PROS1: variants seen among roughly 807,000 people sequenced by gnomAD.
PROS1 encodes vitamin K-dependent protein S.
A neutral mutation model predicts 75.9 loss-of-function variants in PROS1; 29 were observed. The ratio of observed to expected loss-of-function variants is 0.38; its 90% confidence interval spans 0.28 to 0.52. The LOEUF is 0.52. Ranked by LOEUF, PROS1 falls within the 20% of genes least tolerant of loss-of-function variation. PROS1 has a pLI of 0.83. For missense variants in PROS1, 680 were observed against 810.3 expected, an observed-to-expected ratio of 0.84 and a Z score of 1.95; for synonymous variants, 245 against 280.6, an observed-to-expected ratio of 0.87 and a Z score of 1.27.
At chr3:93,928,250 G>A (rs926535947) in intron 1 of PROS1, among the ~76,000 whole-genome samples, 3 of 150,074 alleles carry the variant, frequency 2.0e-5, no homozygotes, top group African/African-American at 7.4e-5. Context: ...AGTGCCACTT[G>A]AGTGCAGGAA....
At chr3:93,965,332 C>G (rs538001535) in intron 1 of PROS1, among the ~76,000 whole-genome samples, 1 of 152,226 alleles carries the variant, frequency 6.6e-6, no homozygotes, top group Non-Finnish European at 1.5e-5. Flanking sequence ...CCTCCGGATC[C>G]GGAAGGGTGT....
Position 93,890,515 on chromosome 3 carries a change from C to T in PROS1, c.1155+2418G>A, listed in dbSNP as rs142737774. The stretch of plus-strand genomic sequence containing the variant: ...ATAAAAACTTGCTGGTTTTGTGGCT[C>T]AGGTGGGCATCACAGTCCTATCGAT... On this transcript the variant is annotated intron_variant, in intron 10 of 14. Transcript: ENST00000394236. 3.1e-3 allele frequency among the ~76,000 whole-genome samples: 465 copies of T among 152,274 alleles called. 17 individuals are homozygous for T. In the East Asian group the frequency reaches 0.046, roughly 15 times the overall value.
intron 1 of PROS1, among the ~76,000 whole-genome samples, chr3:93,945,393 T>C (rs748025464): frequency 6.6e-6 from 1 of 152,138 alleles, no homozygotes; most frequent in African/African-American, 2.4e-5. Flanking sequence ...CTGATGAACA[T>C]TGATGCAGAA....
rs556802950 is a variant in PROS1 at position 93,943,063 on chromosome 3, T to C, written c.77-15656A>G. Among the ~76,000 whole-genome samples the C allele has an allele frequency of 1.0e-3, 159 of 152,282 alleles. 1 individual carries two copies. The highest frequency in any genetic ancestry group is 3.4e-3 in the Middle Eastern group (1 of 294). ...CAGACATAATTCTTCAGTTTGGGCT[T>C]CCCACCTCTATACAGTCCAATAACG... On this transcript the variant is annotated intron_variant, in intron 1 of 14. Coordinates refer to ENST00000394236, the MANE Select transcript of PROS1 (RefSeq NM_000313.4).
chr3:93,923,506 C>G (rs941789697), intron 3 of PROS1, among the ~76,000 whole-genome samples: 2 of 152,130 alleles, frequency 1.3e-5, no homozygotes, highest in African/African-American at 4.8e-5. Flanking sequence ...TCTTGATATA[C>G]TATCTTTTCT....
intron 6 of PROS1, among the ~76,000 whole-genome samples, chr3:93,904,783 A>G (rs1356409998): frequency 6.6e-6 from 1 of 152,200 alleles, no homozygotes; most frequent in African/African-American, 2.4e-5. Flanking sequence ...TAGCATTAAC[A>G]CAGCCAAACT....
In PROS1 at chr3:93,973,820, G is replaced by T; in HGVS notation, c.-71C>A. Reference sequence around the variant, plus strand: ...CGGGGACCGGAGCGCTAGGCGCCGCGGAGCTGCGAGCCTGTGCGCCTCGGT... The same window carrying T: ...CGGGGACCGGAGCGCTAGGCGCCGCTGAGCTGCGAGCCTGTGCGCCTCGGT... On this transcript the variant is annotated 5_prime_UTR_variant, in exon 1 of 15. Coordinates refer to ENST00000394236, the MANE Select transcript of PROS1 (RefSeq NM_000313.4). 7.4e-7 allele frequency: 1 copy of T among 1,347,634 alleles called. No homozygotes were observed. The highest frequency in any genetic ancestry group is 1.0e-6 in the Non-Finnish European group (1 of 980,780). The allele number at this position is 1,347,634 out of a possible 1,614,324, so 83.5% of individuals were successfully genotyped here.
chr3:93,886,961 G>C (rs1256943096), intron 10 of PROS1, among the ~76,000 whole-genome samples: 1 of 145,576 alleles, frequency 6.9e-6, no homozygotes, highest in Admixed American at 7.1e-5. Flanking sequence ...GCCCAGGCCA[G>C]ACTGCGGACT....
chr3:93,971,734 G>T (rs560202758), intron 1 of PROS1, among the ~76,000 whole-genome samples: 1 of 151,508 alleles, frequency 6.6e-6, no homozygotes. Context: ...AGCTCGGGAG[G>T]GGGAGGTTGC....
intron 1 of PROS1, among the ~76,000 whole-genome samples, chr3:93,964,981 A>G (rs1709765358): frequency 1.3e-5 from 2 of 152,210 alleles, no homozygotes; most frequent in African/African-American, 2.4e-5. Flanking sequence ...ACCTTTAAAC[A>G]AGGGGCTTGC....
intron 10 of PROS1, among the ~76,000 whole-genome samples, chr3:93,888,583 C>T (rs1371945509): frequency 6.6e-6 from 1 of 152,122 alleles, no homozygotes; most frequent in Admixed American, 6.5e-5. Flanking sequence ...TCAACACAAA[C>T]AGTTTCATGG....
intron 14 of PROS1, among the ~76,000 whole-genome samples, chr3:93,875,671 TATCTATC>T (rs1221617568): frequency 3.8e-5 from 5 of 130,210 alleles, no homozygotes; most frequent in African/African-American, 5.5e-5. Flanking sequence ...TCTATCTATC[TATCTATC>T]ATCTATCTAT....
rs573729048 is a variant in PROS1 at position 93,909,508 on chromosome 3, C to T, written c.346+1111G>A. Among the ~76,000 whole-genome samples, 8 of 149,308 alleles carry T rather than the reference C, an allele frequency of 5.4e-5. No individual in the cohort carries two copies. The East Asian group carries it at 1.2e-3, about 22-fold the overall frequency. ...CTTGTTTATTTTCTTCCTAAAATAT[C>T]GAAGCACTTTATCAATATGGCAAAT... On this transcript the variant is annotated intron_variant, in intron 4 of 14. Transcript: ENST00000394236.
intron 1 of PROS1, among the ~76,000 whole-genome samples, chr3:93,928,315 T>C (rs1709057411): frequency 6.7e-6 from 1 of 148,920 alleles, no homozygotes; most frequent in Admixed American, 6.7e-5. Context: ...AGTAAGACCC[T>C]CATTCTAAAA....
Position 93,953,383 on chromosome 3 carries a change from G to A in PROS1, c.76+20291C>T, listed in dbSNP as rs533016876. Among the ~76,000 whole-genome samples the A allele has an allele frequency of 1.1e-4, 16 of 152,248 alleles. No individual in the cohort carries two copies. In the South Asian group the frequency reaches 2.9e-3, roughly 28 times the overall value. ...GCACATCAAAAAGCTTATCCACCCC[G>A]ATCAAGTTGGCTTCATCCCTGGAAA... On this transcript the variant is annotated intron_variant, in intron 1 of 14. Coordinates refer to ENST00000394236, the MANE Select transcript of PROS1 (RefSeq NM_000313.4).
At chr3:93,886,845 T>C (rs1299007774) in intron 10 of PROS1, among the ~76,000 whole-genome samples, 1 of 152,134 alleles carries the variant, frequency 6.6e-6, no homozygotes, top group Non-Finnish European at 1.5e-5. Context: ...TTAGGAAAAA[T>C]TTAAGTGGCC....
At chr3:93,940,447 C>T (rs1709266830) in intron 1 of PROS1, among the ~76,000 whole-genome samples, 1 of 152,188 alleles carries the variant, frequency 6.6e-6, no homozygotes, top group South Asian at 2.1e-4. Context: ...GCCTCCATAA[C>T]TGTTGTGGGT....
At chr3:93,897,306 G>A (rs745687074) in intron 8 of PROS1, among the ~76,000 whole-genome samples, 4 of 151,858 alleles carry the variant, frequency 2.6e-5, no homozygotes, top group South Asian at 2.1e-4. Flanking sequence ...TTTTTTCTAC[G>A]AGTGAAAACA....
intron 1 of PROS1, among the ~76,000 whole-genome samples, chr3:93,930,060 A>G (rs1486040932): frequency 6.6e-6 from 1 of 152,252 alleles, no homozygotes; most frequent in South Asian, 2.1e-4. Flanking sequence ...TCAAGAGTGA[A>G]GTAATATTAC....
Sources: gnomAD v4.1 joint callset for allele counts (sites outside exome capture counted in the v4.1 genomes callset) on GRCh38, gnomAD v4.1.1 for gene constraint, MANE v1.5 for transcripts, NCBI Gene and HGNC (gene_info 2026-07-23, HGNC 2026-07-21) for gene names.